SKAP1: variants seen among roughly 807,000 people sequenced by gnomAD.
SKAP1 encodes the protein src kinase-associated phosphoprotein 1.
Under a neutral mutation model 58.5 loss-of-function variants are expected in SKAP1, and 44 were observed. The observed-to-expected ratio is 0.75, with a 90% CI of 0.59 to 0.97. SKAP1 has a LOEUF of 0.97. Among genes scored for constraint, SKAP1 ranks in the 50% least tolerant of loss-of-function variants. The pLI is 0.00. For synonymous variants in SKAP1, 127 were observed against 149.7 expected (o/e 0.85, Z 1.11); for missense variants, 390 against 435.2 (o/e 0.90, Z 0.92).
chr17:48,191,328 G>A (rs926679014), intron 4 of SKAP1, among the ~76,000 whole-genome samples: 7 of 152,070 alleles, frequency 4.6e-5, no homozygotes, highest in East Asian at 3.9e-4. Context: ...TTGGGCTAGC[G>A]GTATTTTAAC....
intron 4 of SKAP1, among the ~76,000 whole-genome samples, chr17:48,203,469 A>C (rs555284175): frequency 6.6e-6 from 1 of 152,240 alleles, no homozygotes. Context: ...ACAAAAGCAG[A>C]ATAGCTCTTC....
At chr17:48,146,816 C>CG (rs1283737065) in intron 11 of SKAP1, among the ~76,000 whole-genome samples, 1 of 152,020 alleles carries the variant, frequency 6.6e-6, no homozygotes, top group Non-Finnish European at 1.5e-5. Context: ...TTAGTAGAGA[C>CG]GGGGTTTCAC....
At chr17:48,444,874 G>A in the SKAP1 span, among the ~76,000 whole-genome samples, 1 of 152,154 alleles carries the variant, frequency 6.6e-6, no homozygotes, top group Non-Finnish European at 1.5e-5. Context: ...AATCATGCAT[G>A]AGCAGTTCAG....
chr17:48,204,304 T>C (rs972537442), intron 4 of SKAP1: 94 of 151,746 alleles, frequency 6.2e-4, no homozygotes, highest in African/African-American at 2.1e-3. Context: ...GGTTTCACCA[T>C]GCTGGCCAGG....
intron 11 of SKAP1, among the ~76,000 whole-genome samples, chr17:48,148,974 T>TTC (rs1201014516): frequency 6.6e-6 from 1 of 152,166 alleles, no homozygotes; most frequent in Non-Finnish European, 1.5e-5. Context: ...CAGATGCTCG[T>TTC]TCTCTCTTAT....
At chr17:48,190,959 T>C (rs1434817915) in intron 4 of SKAP1, among the ~76,000 whole-genome samples, 4 of 152,190 alleles carry the variant, frequency 2.6e-5, no homozygotes, top group Admixed American at 1.3e-4. Flanking sequence ...CACTCCAGCA[T>C]GGGCGACAGG....
intron 4 of SKAP1, among the ~76,000 whole-genome samples, chr17:48,231,403 C>T (rs1598449622): frequency 6.6e-6 from 1 of 152,142 alleles, no homozygotes; most frequent in Middle Eastern, 3.4e-3. Context: ...CATGCTTACA[C>T]AGCCTGAAGA....
the SKAP1 span, among the ~76,000 whole-genome samples, chr17:48,444,666 C>A: frequency 0.044 from 6,723 of 152,306 alleles, 457 homozygotes; most frequent in African/African-American, 0.15. Flanking sequence ...CAAGCCCCCA[C>A]TTGCACTAGT....
At chr17:48,256,383 A>G (rs889562501) in intron 4 of SKAP1, among the ~76,000 whole-genome samples, 13 of 152,170 alleles carry the variant, frequency 8.5e-5, no homozygotes, top group African/African-American at 2.7e-4. Context: ...AAAATGAAAT[A>G]TTTAAAGGTG....
At chr17:48,197,434 T>C (rs2064651421) in intron 4 of SKAP1, among the ~76,000 whole-genome samples, 1 of 150,576 alleles carries the variant, frequency 6.6e-6, no homozygotes, top group African/African-American at 2.4e-5. Flanking sequence ...AGGAAGATTT[T>C]CCCCAGCACT....
chr17:48,413,572 C>T (rs953699916), intron 1 of SKAP1, among the ~76,000 whole-genome samples: 1 of 144,256 alleles, frequency 6.9e-6, no homozygotes, highest in South Asian at 2.1e-4. Context: ...GATGATGCCA[C>T]TCACAGTGAT....
chr17:48,393,772 A>ATG lies in SKAP1; in HGVS notation c.152+2906_152+2907dup, dbSNP rs543046976. ...CTAGGAAGTTGTAAAATATATATAT[A>ATG]TGTGTGTGTAAATATATAATTTACA... is the stretch of plus-strand genomic sequence containing the variant. On this transcript the variant is annotated intron_variant, in intron 2 of 12. Coordinates refer to ENST00000336915, the MANE Select transcript of SKAP1 (RefSeq NM_003726.4). Among the ~76,000 whole-genome samples, 312 of 152,224 alleles carry ATG rather than the reference A, an allele frequency of 2.0e-3. 1 individual carries two copies. The highest frequency in any genetic ancestry group is 7.2e-3 in the African/African-American group (301 of 41,544).
At chr17:48,158,457 A>G (rs1457877643) in intron 11 of SKAP1, among the ~76,000 whole-genome samples, 1 of 147,902 alleles carries the variant, frequency 6.8e-6, no homozygotes, top group African/African-American at 2.5e-5. Context: ...AGTCCCAGCT[A>G]CTCGGGAGGC....
chr17:48,366,352 T>C (rs1277237909), intron 2 of SKAP1, among the ~76,000 whole-genome samples: 1 of 152,018 alleles, frequency 6.6e-6, no homozygotes, highest in Non-Finnish European at 1.5e-5. Flanking sequence ...GAACAGTTCC[T>C]GGGTTGGCAA....
intron 11 of SKAP1, among the ~76,000 whole-genome samples, chr17:48,157,374 T>G (rs1467325922): frequency 6.6e-6 from 1 of 151,962 alleles, no homozygotes; most frequent in Non-Finnish European, 1.5e-5. Flanking sequence ...TAGCTGGGAT[T>G]ACAGGTACCT....
At chr17:48,369,295 A>G (rs2067053916) in intron 2 of SKAP1, among the ~76,000 whole-genome samples, 1 of 152,062 alleles carries the variant, frequency 6.6e-6, no homozygotes, top group African/African-American at 2.4e-5. Flanking sequence ...GTTTGAGTCC[A>G]GCCTAGACAA....
At chr17:48,350,296 G>A (rs2066782665) in intron 3 of SKAP1, among the ~76,000 whole-genome samples, 1 of 151,936 alleles carries the variant, frequency 6.6e-6, no homozygotes, top group East Asian at 1.9e-4. Context: ...GATTTTTTTT[G>A]TTAGTCTACA....
intron 2 of SKAP1, among the ~76,000 whole-genome samples, chr17:48,374,889 C>A (rs2067133115): frequency 6.6e-6 from 1 of 152,168 alleles, no homozygotes; most frequent in Non-Finnish European, 1.5e-5. Context: ...CCCAGGGGTC[C>A]AGGTACCAGC....
At chr17:48,322,878 C>T (rs1405926708) in intron 4 of SKAP1, among the ~76,000 whole-genome samples, 1 of 152,156 alleles carries the variant, frequency 6.6e-6, no homozygotes, top group Non-Finnish European at 1.5e-5. Context: ...AGCAGATCAC[C>T]TGAGGTCAGG....
Sources: gnomAD v4.1 joint callset for allele counts (sites outside exome capture counted in the v4.1 genomes callset) on GRCh38, gnomAD v4.1.1 for gene constraint, MANE v1.5 for transcripts, NCBI Gene and HGNC (gene_info 2026-07-23, HGNC 2026-07-21) for gene names.